Variants in SYNE1 observed in about 807,000 individuals in gnomAD.
SYNE1 encodes the protein nesprin-1.
In SYNE1, 616 loss-of-function variants were observed where a neutral mutation model predicts 1,111.0. The observed-to-expected ratio is 0.55, with a 90% CI of 0.52 to 0.59. The LOEUF is 0.59. Ranked by LOEUF, SYNE1 falls within the 20% of genes least tolerant of loss-of-function variation. The pLI is 0.00. For synonymous variants in SYNE1, 3,855 were observed against 3,825.8 expected, an observed-to-expected ratio of 1.01 and a Z score of -0.28; for missense variants, 10,006 against 10,417.0, an observed-to-expected ratio of 0.96 and a Z score of 1.72.
rs780782620 is a variant in SYNE1 at position 152,325,162 on chromosome 6, T to C, written c.15579A>G (p.Thr5193=). 6.2e-7 allele frequency: 1 copy of C among 1,614,210 alleles called. No homozygotes were observed. Among genetic ancestry groups the C allele is most frequent in the Admixed American group, 1.7e-5 (1 of 60,036 alleles). Residue 5193 remains threonine (T), a synonymous_variant, in exon 81 of 146, where the codon ACA becomes ACG. Transcript: ENST00000367255. ...RSMTTVWQRW[T]RLRAVAQDQE... ...GGTCCTGGGCCACAGCTCGAAGGCGTGTCCAGCGCTGCCAGACGGTGGTCA... is the reference window on the plus strand; with the variant it reads ...GGTCCTGGGCCACAGCTCGAAGGCGCGTCCAGCGCTGCCAGACGGTGGTCA...
At chr6:152,446,663 C>T (rs918997145) in intron 29 of SYNE1, among the ~76,000 whole-genome samples, 2 of 152,130 alleles carry the variant, frequency 1.3e-5, no homozygotes, top group African/African-American at 2.4e-5. Context: ...TCAAGAAATA[C>T]TGGTAAATAT....
chr6:152,529,688 GCA>G (rs370852615), intron 4 of SYNE1, among the ~76,000 whole-genome samples: 35 of 152,292 alleles, frequency 2.3e-4, no homozygotes, highest in African/African-American at 8.4e-4. Context: ...GAGAAACTAT[GCA>G]CAGTCTTTCA....
intron 3 of SYNE1, among the ~76,000 whole-genome samples, chr6:152,615,869 A>T (rs2099644574): frequency 2.0e-5 from 3 of 152,186 alleles, no homozygotes. Context: ...CTCTTTAGGA[A>T]TTTTTTACAT....
chr6:152,608,004 A>G (rs1452387257), intron 3 of SYNE1, among the ~76,000 whole-genome samples: 1 of 152,112 alleles, frequency 6.6e-6, no homozygotes, highest in Non-Finnish European at 1.5e-5. Flanking sequence ...GGACACAGGG[A>G]GAGGAACAAC....
chr6:152,211,180 C>T (rs2077462435), intron 124 of SYNE1, among the ~76,000 whole-genome samples: 1 of 152,162 alleles, frequency 6.6e-6, no homozygotes, highest in Non-Finnish European at 1.5e-5. Flanking sequence ...TGTTTACAAA[C>T]CGTTGATAGG....
rs1220960091 is a variant in SYNE1, at chr6:152,376,999, T to G, written c.9010-87A>C. 3 of 1,515,168 alleles carry G rather than the reference T, an allele frequency of 2.0e-6. No individual in the cohort carries two copies. In the African/African-American group the frequency reaches 4.1e-5, roughly 21 times the overall value. 93.9% of individuals were successfully genotyped at this position (1,515,168 alleles called of 1,614,324 possible). On this transcript the variant is annotated intron_variant, in intron 56 of 145. Transcript: ENST00000367255. ...CACTATACATGCATCAATCATATTA[T>G]AAATTATTAGTGAGAGAAGAACCAA...
chr6:152,380,786 T>C (rs1188325830), intron 56 of SYNE1, among the ~76,000 whole-genome samples: 1 of 152,210 alleles, frequency 6.6e-6, no homozygotes. Flanking sequence ...ACAACAAATG[T>C]TTCCTACCGC....
At chr6:152,353,210 G>A in intron 69 of SYNE1, 53 bp downstream of exon 69, 1 of 1,603,528 alleles carries the variant, frequency 6.2e-7, no homozygotes, top group Non-Finnish European at 8.5e-7. Flanking sequence ...AGGAGAATGG[G>A]GCAGCTTGGT....
rs1040211556 is a variant in SYNE1, at chr6:152,571,180, G to T, written c.68-31159C>A. 3.9e-5 allele frequency among the ~76,000 whole-genome samples: 6 copies of T among 152,202 alleles called. No individual in the cohort carries two copies. The South Asian group carries it at 8.3e-4, about 21-fold the overall frequency. On this transcript the variant is annotated intron_variant, in intron 3 of 145. Coordinates refer to ENST00000367255, the MANE Select transcript of SYNE1 (RefSeq NM_182961.4). ...TACCTTACAATGTGTTCCATTCTGA[G>T]GTTTCTTTTAACCCAATGGAATAGA... is the stretch of plus-strand genomic sequence containing the variant.
At chr6:152,619,776 A>G (rs2099671280) in intron 3 of SYNE1, among the ~76,000 whole-genome samples, 1 of 152,092 alleles carries the variant, frequency 6.6e-6, no homozygotes. Flanking sequence ...AGAATTTCTC[A>G]AGGGTCATTG....
intron 45 of SYNE1, among the ~76,000 whole-genome samples, chr6:152,405,814 A>G (rs1206405563): frequency 1.3e-5 from 2 of 152,110 alleles, no homozygotes; most frequent in African/African-American, 4.8e-5. Flanking sequence ...GCCCTCAGAG[A>G]TTGGAATTAG....
chr6:152,364,790 T>C, intron 63 of SYNE1, 57 bp downstream of exon 63: 1 of 1,608,074 alleles, frequency 6.2e-7, no homozygotes. Flanking sequence ...TGTTCAGTAG[T>C]ATTATATTGA....
Position 152,152,030 on chromosome 6 carries a change from T to C in SYNE1, c.24241A>G (p.Met8081Val). 2.5e-6 allele frequency: 4 copies of C among 1,614,154 alleles called. No homozygotes were observed. Among genetic ancestry groups the C allele is most frequent in the Admixed American group, 1.7e-5 (1 of 60,010 alleles). ...CATCTCTGGTTGCCTTCGTGAACCATCTGTTTGAGGCTACATGCTGAATCA... is the reference window on the plus strand; with the variant it reads ...CATCTCTGGTTGCCTTCGTGAACCACCTGTTTGAGGCTACATGCTGAATCA... ...RTDSACSLKQ[M>V]VHEGNQRWDN... Residue 8081 changes from methionine (M) to valine (V), a missense_variant, in exon 134 of 146, where the codon ATG (methionine) becomes GTG (valine). Physicochemically the swap from Met to Val is conservative, Grantham distance 21. Around this residue, in one of 7 missense-constraint regions of SYNE1, gnomAD observed 2,182 missense variants for 2,287.8 expected, o/e 0.95. Coordinates refer to ENST00000367255, the MANE Select transcript of SYNE1 (RefSeq NM_182961.4).
At chr6:152,385,207 T>C (rs577704018) in intron 55 of SYNE1, among the ~76,000 whole-genome samples, 6 of 152,338 alleles carry the variant, frequency 3.9e-5, no homozygotes, top group Non-Finnish European at 8.8e-5. Context: ...AAATTGTCCT[T>C]ATGCAGAGTA....
chr6:152,334,550 G>A (rs1278528902), intron 76 of SYNE1, among the ~76,000 whole-genome samples: 2 of 152,136 alleles, frequency 1.3e-5, no homozygotes, highest in Non-Finnish European at 2.9e-5. Context: ...TAATACATGT[G>A]AAACATTACA....
intron 140 of SYNE1, among the ~76,000 whole-genome samples, chr6:152,138,340 G>T (rs2057559500): frequency 6.6e-6 from 1 of 151,792 alleles, no homozygotes; most frequent in Admixed American, 6.6e-5. Flanking sequence ...GCAAAACCCT[G>T]TCTCTACTAA....
At chr6:152,250,996 C>T (rs942863069) in intron 104 of SYNE1, among the ~76,000 whole-genome samples, 3 of 152,198 alleles carry the variant, frequency 2.0e-5, no homozygotes, top group African/African-American at 7.2e-5. Context: ...GTCACCCAGG[C>T]TGGAGTGCGG....
intron 41 of SYNE1, among the ~76,000 whole-genome samples, chr6:152,416,093 T>G (rs972019455): frequency 6.6e-6 from 1 of 152,160 alleles, no homozygotes; most frequent in African/African-American, 2.4e-5. Flanking sequence ...AATAGTCAAT[T>G]ACGAATTCAT....
chr6:152,526,741 G>A (rs1365137388), intron 4 of SYNE1, among the ~76,000 whole-genome samples: 4 of 152,262 alleles, frequency 2.6e-5, no homozygotes, highest in Admixed American at 6.5e-5. Context: ...GTTATGTTGT[G>A]TTCTACAGCC....
Sources: allele counts gnomAD v4.1 joint callset (sites outside exome capture counted in the v4.1 genomes callset), GRCh38; gene constraint gnomAD v4.1.1; regional missense constraint gnomAD v4.1.1; transcripts MANE v1.5; gene names NCBI Gene and HGNC (gene_info 2026-07-23, HGNC 2026-07-21).